The following SGCG variants were observed in gnomAD, a reference collection of about 807,000 sequenced individuals.
SGCG encodes the protein gamma-sarcoglycan.
SGCG carries 26 observed loss-of-function variants against 29.3 expected under a neutral mutation model. The observed-to-expected ratio is 0.89, with a 90% CI of 0.65 to 1.23. SGCG has a LOEUF of 1.23. SGCG is among the 50% of genes most tolerant of loss of function. The pLI, the probability that SGCG is intolerant of heterozygous loss-of-function variation, is 0.00. For missense variants in SGCG, 353 were observed against 356.0 expected, an observed-to-expected ratio of 0.99 and a Z score of 0.07; for synonymous variants, 145 against 129.7, an observed-to-expected ratio of 1.12 and a Z score of -0.80.
At chr13:23,213,170 T>C (rs1464533144) in intron 2 of SGCG, among the ~76,000 whole-genome samples, 1 of 152,104 alleles carries the variant, frequency 6.6e-6, no homozygotes, top group Non-Finnish European at 1.5e-5. Flanking sequence ...ATTTATAGGA[T>C]TAATTAATTT....
chr13:23,295,324 A>T (rs983214669), intron 5 of SGCG, 91 bp from the exon 6 acceptor site: 1 of 1,069,354 alleles, frequency 9.4e-7, no homozygotes, highest in Non-Finnish European at 1.5e-6. Context: ...AACAAAATCC[A>T]TATGTTCTTT....
intron 5 of SGCG, among the ~76,000 whole-genome samples, chr13:23,294,165 C>A (rs965994553): frequency 3.9e-5 from 6 of 152,128 alleles, no homozygotes; most frequent in African/African-American, 1.4e-4. Context: ...GCAGCCACAG[C>A]CTCTTAAGCC....
chr13:23,177,917 G>A (rs1876612632), upstream of SGCG, among the ~76,000 whole-genome samples: 1 of 152,082 alleles, frequency 6.6e-6, no homozygotes, highest in Non-Finnish European at 1.5e-5. Context: ...TAGTTCATCA[G>A]TAGAAAAAGA....
At chr13:23,198,102 T>G (rs1470611735) in intron 1 of SGCG, among the ~76,000 whole-genome samples, 1 of 152,242 alleles carries the variant, frequency 6.6e-6, no homozygotes, top group Non-Finnish European at 1.5e-5. Flanking sequence ...CGAACTATTA[T>G]AACTCATTCT....
the SGCG span, among the ~76,000 whole-genome samples, chr13:23,171,446 A>G: frequency 6.6e-6 from 1 of 152,210 alleles, no homozygotes; most frequent in Non-Finnish European, 1.5e-5. Flanking sequence ...CTAAGGAAAG[A>G]TAGAGAACAG....
intron 4 of SGCG, among the ~76,000 whole-genome samples, chr13:23,266,759 C>G (rs1339348403): frequency 1.3e-5 from 2 of 152,126 alleles, no homozygotes; most frequent in Non-Finnish European, 2.9e-5. Context: ...TCTCTTGCTT[C>G]TGTTCTTGCC....
In SGCG at chr13:23,250,708, T is replaced by A; in HGVS notation, c.376T>A (p.Leu126Ile). Residue 126 changes from leucine to isoleucine, a missense_variant, in exon 4 of 8, where the codon TTA becomes ATA. Physicochemically the swap from Leu to Ile is conservative, Grantham distance 5. Coordinates refer to ENST00000218867, the MANE Select transcript of SGCG (RefSeq NM_000231.3). The part of the protein sequence containing the change: ...RNSEGEVTGR[L>I]KVGPKMVEVQ... ...CTCAGAAGGGGAGGTCACAGGCAGG[T>A]TAAAAGTCGGTGAGTCCAGCTTCAT... The A allele has an allele frequency of 6.2e-7, 1 of 1,607,222 alleles. No homozygotes were observed. Among genetic ancestry groups the A allele is most frequent in the Non-Finnish European group, 8.5e-7 (1 of 1,173,878 alleles).
intron 1 of SGCG, among the ~76,000 whole-genome samples, chr13:23,185,521 C>A (rs1408751579): frequency 6.6e-6 from 1 of 152,144 alleles, no homozygotes; most frequent in African/African-American, 2.4e-5. Flanking sequence ...ATTTTTCCAA[C>A]AGCAATTGCT....
Position 23,320,804 on chromosome 13 carries a change from A to G in SGCG, c.702+44A>G, listed in dbSNP as rs770365050. 5.0e-6 allele frequency: 8 copies of G among 1,586,894 alleles called. No individual in the cohort carries two copies. The East Asian group carries it at 1.8e-4, about 36-fold the overall frequency. ...CAGCCTCCTACTGTATGTCCTGATG[A>G]TATTCCTGAGTACCATGTCTGTAAA... On this transcript the variant is annotated intron_variant, in intron 7 of 7. Transcript: ENST00000218867.
chr13:23,231,149 G>A (rs907102434), intron 2 of SGCG, among the ~76,000 whole-genome samples: 1 of 152,080 alleles, frequency 6.6e-6, no homozygotes, highest in Non-Finnish European at 1.5e-5. Flanking sequence ...CTTCTTCATG[G>A]TGGATTAGCT....
chr13:23,246,123 G>A (rs566843803), intron 3 of SGCG: 2 of 154,846 alleles, frequency 1.3e-5, no homozygotes, highest in Admixed American at 6.5e-5. Context: ...AGAATGAGAG[G>A]AGCAGCCACC....
intron 1 of SGCG, among the ~76,000 whole-genome samples, chr13:23,190,830 A>G (rs1324823945): frequency 6.6e-6 from 1 of 152,204 alleles, no homozygotes; most frequent in Non-Finnish European, 1.5e-5. Context: ...GAAGAGAACT[A>G]TTATATCACT....
chr13:23,272,044 G>C (rs550864392), intron 4 of SGCG, among the ~76,000 whole-genome samples: 2 of 152,218 alleles, frequency 1.3e-5, no homozygotes, highest in East Asian at 3.9e-4. Context: ...TATTAGTTGA[G>C]TTACTTTTAT....
intron 4 of SGCG, among the ~76,000 whole-genome samples, chr13:23,266,380 A>G (rs943061894): frequency 1.3e-5 from 2 of 152,166 alleles, no homozygotes; most frequent in Non-Finnish European, 2.9e-5. Context: ...GAGTGATATA[A>G]TGTCTTTTGC....
At chr13:23,299,456 A>ATATATTTTTTTT (rs1882059808) in intron 6 of SGCG, among the ~76,000 whole-genome samples, 4 of 41,544 alleles carry the variant, frequency 9.6e-5, no homozygotes. Context: ...ATATATATAT[A>ATATATTTTTTTT]TTTTTTTTTT....
intron 4 of SGCG, chr13:23,267,776 G>T (rs1880694965): frequency 6.6e-6 from 1 of 152,208 alleles, no homozygotes; most frequent in Non-Finnish European, 1.5e-5. Context: ...CAAACTGTCA[G>T]TGTTATCTTA....
chr13:23,306,011 C>G (rs560021527), intron 6 of SGCG, among the ~76,000 whole-genome samples: 1 of 152,126 alleles, frequency 6.6e-6, no homozygotes, highest in African/African-American at 2.4e-5. Context: ...GCTAGGACTA[C>G]AGGAATGCAC....
the SGCG span, among the ~76,000 whole-genome samples, chr13:23,169,059 A>T: frequency 6.6e-6 from 1 of 151,334 alleles, no homozygotes; most frequent in Non-Finnish European, 1.5e-5. Context: ...ATATAAATAT[A>T]TTTTTTAAAT....
chr13:23,185,106 A>G lies in SGCG; in HGVS notation c.-1+4031A>G, dbSNP rs1006494282. Among the ~76,000 whole-genome samples, 4 of 152,178 alleles carry G rather than the reference A, an allele frequency of 2.6e-5. No homozygotes were observed. The East Asian group carries it at 5.8e-4, about 22-fold the overall frequency. On this transcript the variant is annotated intron_variant, in intron 1 of 7. Coordinates refer to ENST00000218867, the MANE Select transcript of SGCG (RefSeq NM_000231.3). ...ATTTTTGTTATCAGCATACAAGCAT[A>G]AAAAATTTTTCTTTATGGCCTTCCC...
Sources: allele counts gnomAD v4.1 joint callset (sites outside exome capture counted in the v4.1 genomes callset), GRCh38; gene constraint gnomAD v4.1.1; transcripts MANE v1.5; gene names NCBI Gene and HGNC (gene_info 2026-07-23, HGNC 2026-07-21).